The following AFG2A variants were observed in gnomAD, a reference collection of about 807,000 sequenced individuals.
The protein encoded by AFG2A is AAA ATPase AFG2A.
chr4:123,272,380 C>T, the AFG2A span, among the ~76,000 whole-genome samples: 1 of 152,066 alleles, frequency 6.6e-6, no homozygotes, highest in South Asian at 2.1e-4. Context: ...TATAAAGTTC[C>T]CCCTTCATGC....
At chr4:123,233,097 A>G in the AFG2A span, among the ~76,000 whole-genome samples, 63 of 152,270 alleles carry the variant, frequency 4.1e-4, no homozygotes, top group East Asian at 0.012. Flanking sequence ...GCACAGTCCT[A>G]TTAATTTTAA....
chr4:123,268,644 G>A, the AFG2A span, among the ~76,000 whole-genome samples: 1 of 152,192 alleles, frequency 6.6e-6, no homozygotes, highest in East Asian at 1.9e-4. Flanking sequence ...TTCCAACCTA[G>A]AGTTCTATAT....
At chr4:122,981,602 C>T in the AFG2A span, among the ~76,000 whole-genome samples, 46 of 151,454 alleles carry the variant, frequency 3.0e-4, no homozygotes, top group Admixed American at 3.9e-4. Flanking sequence ...AATCTGTAGA[C>T]AATTTTGGGT....
chr4:123,095,057 A>ATG, the AFG2A span, among the ~76,000 whole-genome samples: 16 of 57,436 alleles, frequency 2.8e-4, no homozygotes, highest in African/African-American at 5.8e-4. Flanking sequence ...ATATATATAT[A>ATG]TATATATATG....
At chr4:122,927,534 T>C in the AFG2A span, 2 of 1,178,950 alleles carry the variant, frequency 1.7e-6, no homozygotes, top group Non-Finnish European at 2.4e-6. Flanking sequence ...AGTACATTCA[T>C]GTGGTTATAT....
chr4:123,192,162 G>T, the AFG2A span, among the ~76,000 whole-genome samples: 1 of 151,954 alleles, frequency 6.6e-6, no homozygotes, highest in African/African-American at 2.4e-5. Context: ...GAGTAGCTGG[G>T]ACTACAGGTA....
chr4:123,007,588 GTGTGTGTGTGTGTGTGTGTGTATATATA>G, the AFG2A span, among the ~76,000 whole-genome samples: 1 of 8,624 alleles, frequency 1.2e-4, no homozygotes, highest in African/African-American at 5.0e-4. Context: ...GTGTGTGTGT[GTGTGTGTGTGTGTGTGTGTGTATATATA>G]TATATATATA....
the AFG2A span, among the ~76,000 whole-genome samples, chr4:123,300,528 T>G: frequency 4.6e-5 from 7 of 152,158 alleles, no homozygotes; most frequent in African/African-American, 1.7e-4. Flanking sequence ...CCATATAATT[T>G]TGCAGATAAG....
the AFG2A span, among the ~76,000 whole-genome samples, chr4:123,046,183 A>T: frequency 2.6e-5 from 4 of 152,086 alleles, 1 homozygote; most frequent in South Asian, 8.3e-4. Context: ...TGGGATCATA[A>T]ATTCCTTTCT....
chr4:122,995,678 C>T, the AFG2A span, among the ~76,000 whole-genome samples: 1 of 152,156 alleles, frequency 6.6e-6, no homozygotes, highest in Non-Finnish European at 1.5e-5. Context: ...ATCAAATAGC[C>T]TTCCTCTCAG....
At chr4:123,044,799 C>G in the AFG2A span, among the ~76,000 whole-genome samples, 1 of 150,478 alleles carries the variant, frequency 6.6e-6, no homozygotes, top group Non-Finnish European at 1.5e-5. Context: ...TTTTTTGTTT[C>G]TATGCTTACT....
chr4:122,955,220 A>G, the AFG2A span, among the ~76,000 whole-genome samples: 4 of 152,142 alleles, frequency 2.6e-5, no homozygotes, highest in Admixed American at 1.3e-4. Context: ...TGCAGCTTAT[A>G]TAGCACTTTT....
chr4:123,087,740 C>G, the AFG2A span, among the ~76,000 whole-genome samples: 1 of 152,070 alleles, frequency 6.6e-6, no homozygotes, highest in Non-Finnish European at 1.5e-5. Context: ...TGTGGGTTTC[C>G]GCTCCAGAAA....
At chr4:123,078,297 A>G in the AFG2A span, among the ~76,000 whole-genome samples, 1 of 152,220 alleles carries the variant, frequency 6.6e-6, no homozygotes, top group Non-Finnish European at 1.5e-5. Flanking sequence ...CAGAGACAGC[A>G]CAAGATTAGC....
chr4:123,273,046 CTT>C, the AFG2A span, among the ~76,000 whole-genome samples: 7 of 152,062 alleles, frequency 4.6e-5, no homozygotes, highest in African/African-American at 1.4e-4. Flanking sequence ...CTGAAGGAGA[CTT>C]TATTCTCTTA....
chr4:123,311,038 C>T, the AFG2A span, among the ~76,000 whole-genome samples: 1 of 152,178 alleles, frequency 6.6e-6, no homozygotes, highest in East Asian at 1.9e-4. Context: ...CTCAGAAGTT[C>T]TCTAGGTCAT....
the AFG2A span, among the ~76,000 whole-genome samples, chr4:123,224,984 T>C: frequency 3.3e-5 from 5 of 152,374 alleles, no homozygotes; most frequent in South Asian, 4.1e-4. Context: ...TTTTTTCATG[T>C]GTCTTTTGGC....
the AFG2A span, among the ~76,000 whole-genome samples, chr4:123,220,595 C>A: frequency 1.0e-5 from 1 of 99,750 alleles, no homozygotes; most frequent in South Asian, 3.1e-4. Flanking sequence ...GCCTAGGCAA[C>A]AGAGCAAGAC....
the AFG2A span, among the ~76,000 whole-genome samples, chr4:123,313,178 T>A: frequency 6.6e-6 from 1 of 152,140 alleles, no homozygotes; most frequent in African/African-American, 2.4e-5. Flanking sequence ...CCCCTTCCGT[T>A]TTCCTACTGC....
Sources: gnomAD v4.1 joint callset for allele counts (sites outside exome capture counted in the v4.1 genomes callset) on GRCh38, gnomAD v4.1.1 for gene constraint, MANE v1.5 for transcripts, NCBI Gene and HGNC (gene_info 2026-07-23, HGNC 2026-07-21) for gene names.